SMARCA2: variants seen among roughly 807,000 people sequenced by gnomAD.
SMARCA2 encodes SWI/SNF related BAF chromatin remodeling complex subunit ATPase 2, also known as SWI/SNF-related matrix-associated actin-dependent regulator of chromatin subfamily A member 2.
In SMARCA2, 61 loss-of-function variants were observed where a neutral mutation model predicts 199.8. The observed-to-expected ratio is 0.31, with a 90% CI of 0.25 to 0.38. SMARCA2 has a LOEUF of 0.38. Among genes scored for constraint, SMARCA2 ranks in the 10% least tolerant of loss-of-function variants. The probability of loss-of-function intolerance (pLI) is 1.00; values close to 1 mark genes in which losing one functional copy is unlikely to be tolerated. For missense variants in SMARCA2, 1,344 were observed against 2,012.2 expected (o/e 0.67, Z 6.35); for synonymous variants, 935 against 732.0 (o/e 1.28, Z -4.48).
intron 31 of SMARCA2, among the ~76,000 whole-genome samples, chr9:2,185,892 A>G (rs768365489): frequency 8.5e-5 from 13 of 152,186 alleles, no homozygotes; most frequent in South Asian, 2.1e-4. Flanking sequence ...AATAATTTCA[A>G]CTGCATTTGG....
chr9:2,032,662 A>C (rs1288748503), intron 2 of SMARCA2: 1 of 232,884 alleles, frequency 4.3e-6, no homozygotes. Context: ...AATAGCCTAT[A>C]TTTGTCTACC....
rs1281363831 is a variant in SMARCA2 at position 2,170,394 on chromosome 9, T to C, written c.4200-25T>C. On this transcript the variant is annotated intron_variant, in intron 28 of 33. Transcript: ENST00000349721. The surrounding 1 kb of genome is among the most constrained non-coding windows in gnomAD (Gnocchi z 4.7). Reference sequence around the variant, plus strand: ...GACGAGAACCCAGGTCTTCTGACTCTAGTGTTCTTTCTACTCTACCGCAGG... The same window carrying C: ...GACGAGAACCCAGGTCTTCTGACTCCAGTGTTCTTTCTACTCTACCGCAGG... 4.3e-6 allele frequency: 7 copies of C among 1,613,870 alleles called. No individual in the cohort carries two copies. The East Asian group carries it at 8.9e-5, about 21-fold the overall frequency.
intron 13 of SMARCA2, among the ~76,000 whole-genome samples, chr9:2,076,571 C>T (rs1350446270): frequency 6.6e-6 from 1 of 151,792 alleles, no homozygotes; most frequent in Non-Finnish European, 1.5e-5. Context: ...CTTCCTTACC[C>T]TTCTCTCTCC....
Position 2,153,679 on chromosome 9 carries a change from A to G in SMARCA2, c.3982-8007A>G, listed in dbSNP as rs1382038263. Among the ~76,000 whole-genome samples the G allele has an allele frequency of 2.0e-5, 3 of 152,196 alleles. No individual in the cohort carries two copies. The East Asian group carries it at 5.8e-4, about 29-fold the overall frequency. On this transcript the variant is annotated intron_variant, in intron 27 of 33. Transcript: ENST00000349721. Reference sequence around the variant, plus strand: ...TACTAGTTTTTTCCTTCCCCTCTACATGTATGAGTTTTTAATGTTTAGACA... The same window carrying G: ...TACTAGTTTTTTCCTTCCCCTCTACGTGTATGAGTTTTTAATGTTTAGACA...
chr9:2,081,517 T>C (rs935508359), intron 14 of SMARCA2, among the ~76,000 whole-genome samples: 2 of 152,182 alleles, frequency 1.3e-5, no homozygotes, highest in Non-Finnish European at 2.9e-5. Flanking sequence ...TTGGATTAGA[T>C]TTTGGTTTGG....
At chr9:2,076,439 C>G (rs1190162611) in intron 13 of SMARCA2, 110 bp downstream of exon 13, 1 of 713,338 alleles carries the variant, frequency 1.4e-6, no homozygotes, top group African/African-American at 1.8e-5. Context: ...CGCCTACACT[C>G]TGCTTGAAAC....
Position 2,191,274 on chromosome 9 carries a change from G to A in SMARCA2, c.4603G>A (p.Val1535Ile). Residue 1535 changes from valine (V) to isoleucine (I), a missense_variant, in exon 33 of 34, where the codon GTC becomes ATC. Around this residue, in one of 18 missense-constraint regions of SMARCA2, gnomAD observed 155 missense variants for 121.1 expected, o/e 1.28. Coordinates refer to ENST00000349721, the MANE Select transcript of SMARCA2 (RefSeq NM_003070.5). ...ATTTGCTTTGGTTTTAGCAAAATCA[G>A]TCAAGGTGAAAATTAAGCTCAATAA... ...EEESESEAKS[V>I]KVKIKLNKKD... The A allele has an allele frequency of 6.2e-7, 1 of 1,614,030 alleles. No homozygotes were observed. Among genetic ancestry groups the A allele is most frequent in the Non-Finnish European group, 8.5e-7 (1 of 1,179,968 alleles).
At chr9:2,064,639 C>T (rs186363447) in intron 9 of SMARCA2, among the ~76,000 whole-genome samples, 31 of 152,166 alleles carry the variant, frequency 2.0e-4, no homozygotes, top group African/African-American at 7.2e-4. Context: ...TGTAGGATAT[C>T]TTTGAGGACA....
At chr9:2,187,827 C>G (rs1479323901) in intron 32 of SMARCA2, among the ~76,000 whole-genome samples, 1 of 152,116 alleles carries the variant, frequency 6.6e-6, no homozygotes, top group African/African-American at 2.4e-5. Context: ...GCCTGTAATC[C>G]TAGCACTTTG....
At chr9:2,098,728 G>A (rs189161572) in intron 21 of SMARCA2, among the ~76,000 whole-genome samples, 20 of 152,270 alleles carry the variant, frequency 1.3e-4, no homozygotes, top group African/African-American at 4.8e-4. Flanking sequence ...CTGAGGTCAG[G>A]AGTTCGAGAC....
intron 27 of SMARCA2, among the ~76,000 whole-genome samples, chr9:2,141,865 T>G: frequency 6.6e-6 from 1 of 152,180 alleles, no homozygotes; most frequent in East Asian, 1.9e-4. Context: ...GCTTGTGAAT[T>G]CTGGCCTCTT....
At chr9:2,031,737 C>G (rs1819079805) in intron 2 of SMARCA2, among the ~76,000 whole-genome samples, 1 of 152,146 alleles carries the variant, frequency 6.6e-6, no homozygotes, top group Non-Finnish European at 1.5e-5. Flanking sequence ...TGGCCCCAGC[C>G]CCTCAGATAG....
intron 21 of SMARCA2, among the ~76,000 whole-genome samples, chr9:2,097,789 A>G (rs769538695): frequency 6.6e-6 from 1 of 152,190 alleles, no homozygotes; most frequent in East Asian, 1.9e-4. Context: ...TTATACTGGG[A>G]GCTCTGAAAT....
At chr9:2,109,922 G>A (rs1413331254) in intron 23 of SMARCA2, among the ~76,000 whole-genome samples, 1 of 152,186 alleles carries the variant, frequency 6.6e-6, no homozygotes, top group African/African-American at 2.4e-5. Flanking sequence ...GAGAGAGGAA[G>A]TGTGTGTGTT....
intron 4 of SMARCA2, chr9:2,041,274 C>T (rs1819592973): frequency 5.0e-6 from 2 of 398,386 alleles, no homozygotes; most frequent in Non-Finnish European, 8.8e-6. Flanking sequence ...GTCTGAGCTG[C>T]TGTAATGAAA....
chr9:2,066,493 T>G (rs7860088), intron 9 of SMARCA2, among the ~76,000 whole-genome samples: 15,370 of 152,232 alleles, frequency 0.1, 926 homozygotes, highest in East Asian at 0.32. Flanking sequence ...CCTTGGAAAT[T>G]GGGAACACAC....
intron 8 of SMARCA2, among the ~76,000 whole-genome samples, chr9:2,059,990 A>G (rs1026890011): frequency 1.3e-5 from 2 of 151,916 alleles, no homozygotes; most frequent in Admixed American, 1.3e-4. Context: ...TAACCTCATC[A>G]TGTTGCTTAA....
intron 13 of SMARCA2, among the ~76,000 whole-genome samples, chr9:2,076,853 C>T (rs540403375): frequency 6.6e-6 from 1 of 152,210 alleles, no homozygotes; most frequent in East Asian, 1.9e-4. Context: ...TGTGTCTCAT[C>T]CATTCCTGTG....
intron 6 of SMARCA2, chr9:2,055,474 G>C (rs1006959074): frequency 3.3e-5 from 5 of 152,212 alleles, no homozygotes; most frequent in Admixed American, 1.3e-4. Flanking sequence ...GATAAGGAAC[G>C]TTTCATTGTT....
Sources: gnomAD v4.1 joint callset for allele counts (sites outside exome capture counted in the v4.1 genomes callset) on GRCh38, gnomAD v4.1.1 for gene constraint, gnomAD v4.1.1 regional missense constraint, Gnocchi (gnomAD v3.1) non-coding constraint, MANE v1.5 for transcripts, NCBI Gene and HGNC (gene_info 2026-07-23, HGNC 2026-07-21) for gene names.